Variants in PDE3B observed in about 807,000 individuals in gnomAD.
PDE3B encodes the protein phosphodiesterase 3B.
PDE3B carries 66 observed loss-of-function variants against 116.8 expected under a neutral mutation model. The observed-to-expected ratio is 0.56, with a 90% CI of 0.46 to 0.69. PDE3B has a LOEUF of 0.69. Among genes scored for constraint, PDE3B ranks in the 30% least tolerant of loss-of-function variants. The pLI is 0.00. For missense variants in PDE3B, 1,384 were observed against 1,368.1 expected, an observed-to-expected ratio of 1.01 and a Z score of -0.18; for synonymous variants, 595 against 533.6, an observed-to-expected ratio of 1.12 and a Z score of -1.59.
intron 1 of PDE3B, among the ~76,000 whole-genome samples, chr11:14,660,859 T>C (rs1463934247): frequency 1.3e-5 from 2 of 152,188 alleles, no homozygotes; most frequent in Non-Finnish European, 2.9e-5. Context: ...ATAAGAATTT[T>C]TGCCTGTTTT....
At chr11:14,869,245 G>C (rs1338872562) in intron 15 of PDE3B, among the ~76,000 whole-genome samples, 9 of 151,784 alleles carry the variant, frequency 5.9e-5, no homozygotes, top group African/African-American at 2.2e-4. Context: ...GCTTCTTTCT[G>C]TTTTCCTAGC....
At chr11:14,705,478 G>C (rs537533515) in intron 1 of PDE3B, among the ~76,000 whole-genome samples, 9 of 151,902 alleles carry the variant, frequency 5.9e-5, no homozygotes, top group African/African-American at 2.2e-4. Flanking sequence ...AGTGACTTGG[G>C]GTAGTGGTAG....
At chr11:14,779,043 C>T (rs890590457) in intron 2 of PDE3B, among the ~76,000 whole-genome samples, 7 of 151,780 alleles carry the variant, frequency 4.6e-5, no homozygotes, top group African/African-American at 1.5e-4. Flanking sequence ...CTTCAGTAGC[C>T]GATTCGATCA....
intron 1 of PDE3B, among the ~76,000 whole-genome samples, chr11:14,659,663 C>G (rs528839008): frequency 2.6e-5 from 4 of 152,148 alleles, no homozygotes; most frequent in Non-Finnish European, 4.4e-5. Flanking sequence ...CCTCCCACTC[C>G]GGTAGGCCCC....
chr11:14,786,140 T>C (rs920025312), intron 2 of PDE3B, among the ~76,000 whole-genome samples: 2 of 151,698 alleles, frequency 1.3e-5, no homozygotes, highest in Admixed American at 6.6e-5. Flanking sequence ...ATAAATGCTT[T>C]GTATGTTTAA....
chr11:14,826,333 T>C (rs1306903503), intron 7 of PDE3B, among the ~76,000 whole-genome samples: 1 of 151,894 alleles, frequency 6.6e-6, no homozygotes, highest in Non-Finnish European at 1.5e-5. Context: ...AAACCAGGAG[T>C]TGATTTTTTG....
chr11:14,773,145 G>A (rs1029326295), intron 2 of PDE3B: 8 of 151,780 alleles, frequency 5.3e-5, no homozygotes, highest in Non-Finnish European at 8.8e-5. Flanking sequence ...AGTTTACTAA[G>A]GACTTTTTTT....
chr11:14,876,540 G>A (rs539039479), downstream of PDE3B, among the ~76,000 whole-genome samples: 158 of 152,168 alleles, frequency 1.0e-3, 1 homozygote, highest in Non-Finnish European at 1.8e-3. Flanking sequence ...CTAGTAGTCA[G>A]GCATATGTTC....
intron 1 of PDE3B, among the ~76,000 whole-genome samples, chr11:14,653,168 T>C: frequency 6.6e-6 from 1 of 152,230 alleles, no homozygotes; most frequent in East Asian, 1.9e-4. Flanking sequence ...AATGGTTTTT[T>C]TTGGTGGAAT....
intron 1 of PDE3B, among the ~76,000 whole-genome samples, chr11:14,653,162 G>A (rs1853613724): frequency 6.6e-6 from 1 of 151,552 alleles, no homozygotes; most frequent in African/African-American, 2.4e-5. Context: ...TGTTCTAATG[G>A]TTTTTTTTGG....
chr11:14,696,745 C>T (rs901414965), intron 1 of PDE3B, among the ~76,000 whole-genome samples: 4 of 152,014 alleles, frequency 2.6e-5, no homozygotes, highest in Admixed American at 6.6e-5. Context: ...TTCTCCTGGT[C>T]TGTGGCTTAT....
chr11:14,645,185 G>C lies in PDE3B; in HGVS notation c.978+132G>C, dbSNP rs1029463888. On this transcript the variant is annotated intron_variant, in intron 1 of 15. Transcript: ENST00000282096. ...GAAAAAGGGTGTGTTGCGGGGGGGG[G>C]GGGGGAGGAAATAATGTTTTATTCT... 1.6e-4 allele frequency: 64 copies of C among 402,150 alleles called. 13 individuals are homozygous for C. Among genetic ancestry groups the C allele is most frequent in the South Asian group, 2.7e-4 (8 of 29,630 alleles). 24.9% of individuals were successfully genotyped at this position (402,150 alleles called of 1,614,324 possible). A position where few individuals can be genotyped will look rare whatever the true frequency, so the allele number is the denominator to read the frequency against.
chr11:14,743,758 C>T (rs1170846104), intron 1 of PDE3B, among the ~76,000 whole-genome samples: 4 of 152,170 alleles, frequency 2.6e-5, no homozygotes, highest in Non-Finnish European at 4.4e-5. Context: ...CTATCTGGGC[C>T]GCAATGCACC....
chr11:14,864,945 C>G (rs1351525725), intron 14 of PDE3B, among the ~76,000 whole-genome samples: 1 of 151,992 alleles, frequency 6.6e-6, no homozygotes, highest in Admixed American at 6.6e-5. Context: ...GAAGCAAGAG[C>G]AAACAAATTC....
intron 13 of PDE3B, 55 bp from the exon 14 acceptor site, chr11:14,861,150 A>G: frequency 1.4e-6 from 2 of 1,397,102 alleles, no homozygotes; most frequent in South Asian, 1.2e-5. Context: ...CAAACAAAAC[A>G]ACAAGTTTTA....
intron 12 of PDE3B, among the ~76,000 whole-genome samples, chr11:14,850,268 C>T (rs1224634940): frequency 1.3e-5 from 2 of 150,434 alleles, no homozygotes; most frequent in Admixed American, 1.3e-4. Context: ...TATTCTCAGT[C>T]ATAGGTAGGA....
At chr11:14,892,346 GC>G in the PDE3B span, 1 of 775,494 alleles carries the variant, frequency 1.3e-6, no homozygotes, top group Non-Finnish European at 2.1e-6. Context: ...GAGCGCTCAG[GC>G]CCCTTCGGGA....
chr11:14,779,787 C>T (rs867583531), intron 2 of PDE3B, among the ~76,000 whole-genome samples: 1 of 152,150 alleles, frequency 6.6e-6, no homozygotes, highest in African/African-American at 2.4e-5. Context: ...CAGCTAACAT[C>T]ATAATGACAG....
At chr11:14,840,429 C>T (rs1380637389) in intron 11 of PDE3B, among the ~76,000 whole-genome samples, 1 of 152,162 alleles carries the variant, frequency 6.6e-6, no homozygotes, top group Non-Finnish European at 1.5e-5. Flanking sequence ...CAGTAGTTCT[C>T]AATCATCAAG....
Sources: allele counts gnomAD v4.1 joint callset (sites outside exome capture counted in the v4.1 genomes callset), GRCh38; gene constraint gnomAD v4.1.1; transcripts MANE v1.5; gene names NCBI Gene and HGNC (gene_info 2026-07-23, HGNC 2026-07-21).